Variants in CCDC102B observed in about 807,000 individuals in gnomAD.
CCDC102B encodes coiled-coil domain containing 102B.
In CCDC102B, 75 loss-of-function variants were observed where a neutral mutation model predicts 57.4. The ratio of observed to expected loss-of-function variants is 1.31; its 90% CI spans 1.08 to 1.58. The LOEUF is 1.58. Among genes scored for constraint, CCDC102B ranks in the 40% most tolerant of loss-of-function variants. The pLI is 0.00. For synonymous variants in CCDC102B, 206 were observed against 201.9 expected, an observed-to-expected ratio of 1.02 and a Z score of -0.17; for missense variants, 636 against 582.6, an observed-to-expected ratio of 1.09 and a Z score of -0.94.
intron 4 of CCDC102B, among the ~76,000 whole-genome samples, chr18:68,854,183 CTCCG>C (rs1245218842): frequency 6.6e-6 from 1 of 151,810 alleles, no homozygotes; most frequent in African/African-American, 2.4e-5. Context: ...TCACTTCAAC[CTCCG>C]TCTCCCGGGT....
intron 4 of CCDC102B, among the ~76,000 whole-genome samples, chr18:68,855,637 C>T (rs558172711): frequency 6.6e-6 from 1 of 152,126 alleles, no homozygotes; most frequent in African/African-American, 2.4e-5. Context: ...CTCTGTAGCC[C>T]CAAGAGCCTG....
chr18:68,981,646 T>C (rs1568366085), intron 6 of CCDC102B, among the ~76,000 whole-genome samples: 2 of 151,998 alleles, frequency 1.3e-5, no homozygotes, highest in Non-Finnish European at 2.9e-5. Context: ...CTCATGAAAC[T>C]TGGTGTTTCA....
chr18:68,843,958 C>T (rs2037744797), intron 3 of CCDC102B, among the ~76,000 whole-genome samples: 2 of 122,240 alleles, frequency 1.6e-5, no homozygotes, highest in South Asian at 5.5e-4. Context: ...TATGATGGGG[C>T]TATCTAAATA....
intron 2 of CCDC102B, among the ~76,000 whole-genome samples, chr18:68,744,813 A>G (rs7244095): frequency 2.3e-3 from 345 of 152,312 alleles, no homozygotes; most frequent in African/African-American, 8.1e-3. Flanking sequence ...GTTATTGTAC[A>G]TCACTATGTT....
intron 6 of CCDC102B, among the ~76,000 whole-genome samples, chr18:68,929,405 T>C (rs17079909): frequency 0.13 from 19,215 of 151,928 alleles, 1,572 homozygotes; most frequent in South Asian, 0.27. Context: ...TACAAAAGCA[T>C]TGGTTTTACA....
chr18:68,788,237 C>G (rs2035286803), intron 2 of CCDC102B, among the ~76,000 whole-genome samples: 1 of 152,060 alleles, frequency 6.6e-6, no homozygotes, highest in African/African-American at 2.4e-5. Flanking sequence ...CTGAGGAGAG[C>G]TTTACTTCCA....
chr18:68,755,690 A>G (rs2034023390), intron 2 of CCDC102B, among the ~76,000 whole-genome samples: 1 of 152,020 alleles, frequency 6.6e-6, no homozygotes, highest in Admixed American at 6.6e-5. Context: ...AATCCATAAC[A>G]TATTTAAGAC....
At chr18:68,899,042 G>C (rs1056682705) in intron 6 of CCDC102B, among the ~76,000 whole-genome samples, 1 of 152,004 alleles carries the variant, frequency 6.6e-6, no homozygotes, top group African/African-American at 2.4e-5. Context: ...ATCCTCAAAG[G>C]TCTAAGTCAG....
At chr18:68,904,817 CGTT>C in intron 6 of CCDC102B, among the ~76,000 whole-genome samples, 1 of 152,156 alleles carries the variant, frequency 6.6e-6, no homozygotes, top group Non-Finnish European at 1.5e-5. Context: ...ATATATGAAA[CGTT>C]ATTACTAAGA....
chr18:69,037,028 T>TAC lies in CCDC102B; in HGVS notation c.1435-16978_1435-16977dup, dbSNP rs3059238. Among the ~76,000 whole-genome samples, 760 of 150,032 alleles carry TAC rather than the reference T, an allele frequency of 5.1e-3. 8 individuals carry two copies. The highest frequency in any genetic ancestry group is 0.017 in the African/African-American group (694 of 40,950). ...ATATATATGTGTGGGGGTGTATATA[T>TAC]ACACACACACACACACACACACACA... On this transcript the variant is annotated intron_variant, in intron 7 of 7. Coordinates refer to ENST00000360242, the MANE Select transcript of CCDC102B (RefSeq NM_024781.3).
In CCDC102B at chr18:69,054,059, G is replaced by A. The variant is rs966805366; in HGVS notation, c.1464G>A (p.Lys488=). ...ELDDSLNQIR[K]LQRSLDEEKE... is the part of the protein sequence containing the mutation. ...ATGATTCCCTGAATCAGATCCGTAA[G>A]CTCCAGAGGTCTCTGGATGAAGAGA... Residue 488 remains lysine, a synonymous_variant, in exon 8 of 8, where the codon AAG becomes AAA. Transcript: ENST00000360242. The A allele has an allele frequency of 2.5e-6, 4 of 1,605,948 alleles. No homozygotes were observed. The Admixed American group carries it at 6.9e-5, about 28-fold the overall frequency.
chr18:69,016,313 G>A (rs553261296), intron 7 of CCDC102B, among the ~76,000 whole-genome samples: 27 of 152,144 alleles, frequency 1.8e-4, no homozygotes, highest in African/African-American at 5.5e-4. Context: ...TTAGAAAAAG[G>A]AACCTAAACT....
At chr18:68,855,814 T>C (rs2144852588) in intron 4 of CCDC102B, among the ~76,000 whole-genome samples, 2 of 152,184 alleles carry the variant, frequency 1.3e-5, no homozygotes, top group Middle Eastern at 6.8e-3. Flanking sequence ...CATGATGTTT[T>C]TTTGAAAACC....
At chr18:69,035,021 C>T (rs1405064779) in intron 7 of CCDC102B, among the ~76,000 whole-genome samples, 1 of 151,856 alleles carries the variant, frequency 6.6e-6, no homozygotes, top group Non-Finnish European at 1.5e-5. Flanking sequence ...CTCAATTATA[C>T]TAATTTATTT....
intron 5 of CCDC102B, among the ~76,000 whole-genome samples, chr18:68,877,533 A>C (rs971781322): frequency 6.6e-6 from 1 of 152,222 alleles, no homozygotes; most frequent in African/African-American, 2.4e-5. Flanking sequence ...GCAAGTCTAC[A>C]CTAACATGCT....
intron 2 of CCDC102B, among the ~76,000 whole-genome samples, chr18:68,737,055 GT>G (rs2033163911): frequency 6.6e-6 from 1 of 151,852 alleles, no homozygotes; most frequent in African/African-American, 2.4e-5. Context: ...CCCCAATTCA[GT>G]TATTGGCTAT....
intron 5 of CCDC102B, among the ~76,000 whole-genome samples, chr18:68,883,304 A>G (rs766887087): frequency 2.0e-5 from 3 of 151,986 alleles, no homozygotes; most frequent in Non-Finnish European, 4.4e-5. Flanking sequence ...CCAGCTGCTC[A>G]GGAGGCTGAG....
At chr18:68,942,934 C>A (rs1486997564) in intron 6 of CCDC102B, among the ~76,000 whole-genome samples, 1 of 130,758 alleles carries the variant, frequency 7.6e-6, no homozygotes, top group Non-Finnish European at 1.7e-5. Context: ...GAGGTCCCTG[C>A]GGCCTTCCGC....
intron 1 of CCDC102B, among the ~76,000 whole-genome samples, chr18:68,806,731 T>G (rs1207429810): frequency 2.0e-5 from 3 of 151,806 alleles, no homozygotes; most frequent in African/African-American, 7.3e-5. Flanking sequence ...AGTTAAAAAA[T>G]GAACATGTGA....
Sources: gnomAD v4.1 joint callset for allele counts (sites outside exome capture counted in the v4.1 genomes callset) on GRCh38, gnomAD v4.1.1 for gene constraint, MANE v1.5 for transcripts, NCBI Gene and HGNC (gene_info 2026-07-23, HGNC 2026-07-21) for gene names.